EYS: variants seen among roughly 807,000 people sequenced by gnomAD.
EYS encodes EGF-like photoreceptor maintenance factor.
Under a neutral mutation model 282.1 loss-of-function variants are expected in EYS, and 250 were observed. The ratio of observed to expected loss-of-function variants is 0.89; its 90% confidence interval spans 0.80 to 0.98. EYS has a LOEUF of 0.98. Among genes scored for constraint, EYS ranks in the 50% least tolerant of loss-of-function variants. The pLI is 0.00. For missense variants in EYS, 4,016 were observed against 3,709.0 expected, an observed-to-expected ratio of 1.08 and a Z score of -2.15; for synonymous variants, 1,355 against 1,282.9, an observed-to-expected ratio of 1.06 and a Z score of -1.20.
chr6:65,112,413 A>T (rs960586481), intron 12 of EYS, among the ~76,000 whole-genome samples: 61 of 152,154 alleles, frequency 4.0e-4, no homozygotes, highest in African/African-American at 1.4e-3. Context: ...ACCATGGCCT[A>T]AGCTTGTAAT....
intron 19 of EYS, among the ~76,000 whole-genome samples, chr6:64,885,894 G>T (rs1047418745): frequency 1.3e-5 from 2 of 151,678 alleles, no homozygotes; most frequent in South Asian, 4.1e-4. Context: ...ATCCCTGCTG[G>T]CAGAGAACCT....
In EYS at chr6:65,033,391, G is replaced by A. The variant is rs73765724; in HGVS notation, c.2137+24223C>T. Among the ~76,000 whole-genome samples the A allele has an allele frequency of 6.3e-3, 958 of 152,232 alleles. 17 individuals carry two copies. The highest frequency in any genetic ancestry group is 0.021 in the African/African-American group (857 of 41,544). Reference sequence around the variant, plus strand: ...AGAGCAATGGAAAACATGCCTCGAAGGTATTTCAGAGACCTTCATGGCAGT... The same window carrying A: ...AGAGCAATGGAAAACATGCCTCGAAAGTATTTCAGAGACCTTCATGGCAGT... On this transcript the variant is annotated intron_variant, in intron 13 of 42. Coordinates refer to ENST00000503581, the MANE Select transcript of EYS (RefSeq NM_001142800.2).
chr6:64,865,686 G>T (rs1362134997), intron 19 of EYS, among the ~76,000 whole-genome samples: 1 of 151,948 alleles, frequency 6.6e-6, no homozygotes, highest in Admixed American at 6.6e-5. Context: ...TTAAAATTAT[G>T]TTCATTTTTT....
intron 24 of EYS, among the ~76,000 whole-genome samples, chr6:64,598,083 G>A (rs1162386): frequency 0.12 from 18,616 of 152,142 alleles, 1,178 homozygotes; most frequent in East Asian, 0.17. Flanking sequence ...TAAACATTAA[G>A]TGGAAAAATA....
At chr6:64,742,177 T>C (rs7748899) in intron 22 of EYS, among the ~76,000 whole-genome samples, 3,693 of 151,800 alleles carry the variant, frequency 0.024, 152 homozygotes, top group African/African-American at 0.081. Context: ...TTAATTTTAA[T>C]ATTTTTATGT....
intron 12 of EYS, among the ~76,000 whole-genome samples, chr6:65,063,545 T>C (rs1773643482): frequency 6.6e-6 from 1 of 152,022 alleles, no homozygotes; most frequent in Non-Finnish European, 1.5e-5. Flanking sequence ...CTCTTTCACT[T>C]ACAACCCAGG....
intron 2 of EYS, among the ~76,000 whole-genome samples, chr6:65,608,310 T>C (rs1173216201): frequency 1.3e-5 from 2 of 151,990 alleles, no homozygotes; most frequent in Non-Finnish European, 2.9e-5. Context: ...GGAAAAGGTA[T>C]GGTAAAAATA....
Position 65,344,192 on chromosome 6 carries a change from A to G in EYS, c.1460-15T>C. 1 of 1,588,344 alleles carries G rather than the reference A, an allele frequency of 6.3e-7. No individual in the cohort carries two copies. The highest frequency in any genetic ancestry group is 8.6e-7 in the Non-Finnish European group (1 of 1,159,256). On this transcript the variant is annotated splice_polypyrimidine_tract_variant and intron_variant, in intron 9 of 42. Transcript: ENST00000503581. ...GCCTTCAGATCCTTTAAAAAAAAAG[A>G]GATAAAAAATTAAATAAACTCTTAC...
chr6:64,326,153 A>T (rs1325333093), intron 29 of EYS, among the ~76,000 whole-genome samples: 1 of 88,174 alleles, frequency 1.1e-5, no homozygotes, highest in Non-Finnish European at 2.4e-5. Context: ...TAGTAGTAGT[A>T]ATAGAAATTT....
At chr6:64,425,278 T>A (rs561986525) in intron 28 of EYS, among the ~76,000 whole-genome samples, 1 of 152,078 alleles carries the variant, frequency 6.6e-6, no homozygotes, top group Non-Finnish European at 1.5e-5. Context: ...TGATGTAATA[T>A]GTTTTTTTAA....
chr6:63,891,951 C>T (rs1773419852), intron 35 of EYS, among the ~76,000 whole-genome samples: 1 of 152,004 alleles, frequency 6.6e-6, no homozygotes, highest in African/African-American at 2.4e-5. Context: ...ACAAACAGAG[C>T]CAAACTATGA....
intron 31 of EYS, among the ~76,000 whole-genome samples, chr6:64,109,769 T>C (rs991628942): frequency 6.6e-6 from 1 of 152,146 alleles, no homozygotes; most frequent in African/African-American, 2.4e-5. Flanking sequence ...CTGGTCTTTT[T>C]ATCTGTAGCC....
intron 22 of EYS, among the ~76,000 whole-genome samples, chr6:64,806,831 C>T (rs1378484918): frequency 6.6e-6 from 1 of 151,968 alleles, no homozygotes; most frequent in East Asian, 1.9e-4. Context: ...AAAAAAATGC[C>T]TGGAACAGGG....
chr6:64,912,213 G>C (rs770772437), intron 16 of EYS, among the ~76,000 whole-genome samples: 1 of 135,034 alleles, frequency 7.4e-6, no homozygotes, highest in Admixed American at 7.9e-5. Context: ...TATTAAAGGA[G>C]AGACAACTTC....
intron 35 of EYS, among the ~76,000 whole-genome samples, chr6:63,922,310 C>A (rs1764593700): frequency 6.6e-6 from 1 of 152,184 alleles, no homozygotes; most frequent in South Asian, 2.1e-4. Context: ...CGCCTGTAAT[C>A]CCAGAACTTT....
chr6:65,280,639 G>A (rs1366091061), intron 12 of EYS, among the ~76,000 whole-genome samples: 1 of 151,678 alleles, frequency 6.6e-6, no homozygotes, highest in Admixed American at 6.6e-5. Flanking sequence ...TTCGGTCTGT[G>A]GGGGATATAA....
chr6:64,307,855 A>G (rs919336558), intron 29 of EYS, among the ~76,000 whole-genome samples: 1 of 151,970 alleles, frequency 6.6e-6, no homozygotes, highest in African/African-American at 2.4e-5. Flanking sequence ...TACCTTAAAT[A>G]TATACAATAA....
intron 12 of EYS, among the ~76,000 whole-genome samples, chr6:65,145,894 C>T (rs9294635): frequency 0.12 from 18,299 of 151,750 alleles, 1,445 homozygotes; most frequent in African/African-American, 0.22. Context: ...TATTACTGAA[C>T]TCTAATATGA....
intron 5 of EYS, among the ~76,000 whole-genome samples, chr6:65,419,694 C>T (rs1223389959): frequency 6.6e-6 from 1 of 151,796 alleles, no homozygotes; most frequent in African/African-American, 2.4e-5. Flanking sequence ...TATCATAACA[C>T]ATTATCAATA....
Sources: allele counts gnomAD v4.1 joint callset (sites outside exome capture counted in the v4.1 genomes callset), GRCh38; gene constraint gnomAD v4.1.1; transcripts MANE v1.5; gene names NCBI Gene and HGNC (gene_info 2026-07-23, HGNC 2026-07-21).